Variants in ELMO1 observed in about 807,000 individuals in gnomAD.
ELMO1 encodes the protein engulfment and cell motility 1.
Under a neutral mutation model 98.9 loss-of-function variants are expected in ELMO1, and 26 were observed. The observed-to-expected ratio is 0.26, with a 90% CI of 0.19 to 0.36. The LOEUF is 0.36. Among genes scored for constraint, ELMO1 ranks in the 10% least tolerant of loss-of-function variants. The pLI is 1.00. For missense variants in ELMO1, 627 were observed against 935.2 expected, an observed-to-expected ratio of 0.67 and a Z score of 4.30; for synonymous variants, 346 against 346.0, an observed-to-expected ratio of 1.00 and a Z score of 0.00.
chr7:37,250,553 G>T, intron 6 of ELMO1, among the ~76,000 whole-genome samples: 1 of 152,064 alleles, frequency 6.6e-6, no homozygotes, highest in Admixed American at 6.6e-5. Flanking sequence ...AGCACTTTGG[G>T]AGGCCGAGGC....
rs116481366 is a variant in ELMO1, at chr7:37,121,342, G to C, written c.1191+11788C>G. ...AAACTTCTCTGAGCTAAAGGATGAA[G>C]GTCGAACCCATCGCAAAGAAGTTAA... On this transcript the variant is annotated intron_variant, in intron 14 of 21. Coordinates refer to ENST00000310758, the MANE Select transcript of ELMO1 (RefSeq NM_014800.11). Among the ~76,000 whole-genome samples the C allele has an allele frequency of 5.9e-3, 899 of 152,282 alleles. 9 individuals carry two copies. The highest frequency in any genetic ancestry group is 0.021 in the African/African-American group (867 of 41,558).
chr7:37,400,907 C>CA (rs945662929), intron 1 of ELMO1, among the ~76,000 whole-genome samples: 2 of 152,064 alleles, frequency 1.3e-5, no homozygotes, highest in African/African-American at 4.8e-5. Context: ...GTTTTCAAGG[C>CA]AAAAAATCCT....
rs1038040238 is a variant in ELMO1, at chr7:36,904,953, C to T, written c.1438-9936G>A. Among the ~76,000 whole-genome samples the T allele has an allele frequency of 9.2e-5, 14 of 152,304 alleles. No individual in the cohort carries two copies. In the East Asian group the frequency reaches 9.6e-4, roughly 10 times the overall value. ...CTAATCGAAGGACTTGGCTGGACAA[C>T]AGGAAGCTATTTTCACCAGTGTCTA... is the stretch of plus-strand genomic sequence containing the variant. On this transcript the variant is annotated intron_variant, in intron 16 of 21. Transcript: ENST00000310758.
chr7:37,066,254 T>C (rs955310588), intron 15 of ELMO1, among the ~76,000 whole-genome samples: 1 of 152,110 alleles, frequency 6.6e-6, no homozygotes, highest in Non-Finnish European at 1.5e-5. Flanking sequence ...GAGGAAGAGA[T>C]GGAATCAAAA....
intron 18 of ELMO1, among the ~76,000 whole-genome samples, chr7:36,885,393 A>G (rs1345228140): frequency 6.6e-6 from 1 of 152,232 alleles, no homozygotes; most frequent in Non-Finnish European, 1.5e-5. Context: ...AAACAGGATT[A>G]TTCTGATACA....
chr7:37,089,757 AGAAAAGACT>A (rs1389459421), intron 15 of ELMO1, among the ~76,000 whole-genome samples: 5 of 152,246 alleles, frequency 3.3e-5, no homozygotes, highest in Non-Finnish European at 5.9e-5. Context: ...AGGACACTGC[AGAAAAGACT>A]GTAAAGAGAC....
intron 1 of ELMO1, among the ~76,000 whole-genome samples, chr7:37,415,791 A>G (rs997560536): frequency 6.6e-6 from 1 of 152,266 alleles, no homozygotes; most frequent in African/African-American, 2.4e-5. Context: ...AAGTGAGTGG[A>G]TCCAACTTAA....
chr7:37,138,307 A>AAG (rs1563027914), intron 13 of ELMO1, among the ~76,000 whole-genome samples: 2 of 151,732 alleles, frequency 1.3e-5, no homozygotes, highest in Admixed American at 6.6e-5. Flanking sequence ...ATAAAAAAAA[A>AAG]AAGAAGATAG....
chr7:37,317,079 T>C (rs1033569269), intron 2 of ELMO1, among the ~76,000 whole-genome samples: 2 of 152,156 alleles, frequency 1.3e-5, no homozygotes, highest in Non-Finnish European at 2.9e-5. Context: ...ATTAAATTAA[T>C]ACAAAGGGCA....
chr7:36,921,106 C>G (rs541352964), intron 16 of ELMO1, among the ~76,000 whole-genome samples: 24 of 151,526 alleles, frequency 1.6e-4, no homozygotes, highest in Admixed American at 5.2e-4. Flanking sequence ...AGGAAGTGAG[C>G]CTTTGCCAGG....
chr7:37,273,943 A>G (rs1796696800), intron 4 of ELMO1, among the ~76,000 whole-genome samples: 1 of 152,186 alleles, frequency 6.6e-6, no homozygotes, highest in South Asian at 2.1e-4. Flanking sequence ...TCAGGCCAGT[A>G]TTTCTTCCCA....
At chr7:36,973,851 C>G (rs116237232) in intron 16 of ELMO1, among the ~76,000 whole-genome samples, 3 of 152,232 alleles carry the variant, frequency 2.0e-5, no homozygotes, top group Non-Finnish European at 2.9e-5. Context: ...CCGGCCCTGC[C>G]GTTGCCGAGC....
At chr7:36,998,042 G>T (rs1033829126) in intron 16 of ELMO1, 4 of 151,826 alleles carry the variant, frequency 2.6e-5, no homozygotes, top group African/African-American at 9.7e-5. Flanking sequence ...GATTGGATAA[G>T]AACTTGAAAG....
chr7:37,017,556 G>C (rs552521630), intron 15 of ELMO1, among the ~76,000 whole-genome samples: 3 of 152,270 alleles, frequency 2.0e-5, no homozygotes, highest in African/African-American at 7.2e-5. Flanking sequence ...GAAAGACTTG[G>C]TTGACTTGTG....
chr7:37,272,934 T>C (rs1796650159), intron 4 of ELMO1, among the ~76,000 whole-genome samples: 1 of 152,190 alleles, frequency 6.6e-6, no homozygotes, highest in Admixed American at 6.5e-5. Context: ...TGTAAATGTT[T>C]TGGAACTAGA....
At chr7:37,055,199 A>C (rs1192782121) in intron 15 of ELMO1, among the ~76,000 whole-genome samples, 2 of 152,234 alleles carry the variant, frequency 1.3e-5, no homozygotes, top group African/African-American at 4.8e-5. Context: ...TGACAACAAG[A>C]AACAAAGAGC....
intron 6 of ELMO1, among the ~76,000 whole-genome samples, chr7:37,257,992 G>A (rs190084181): frequency 9.2e-4 from 140 of 151,452 alleles, no homozygotes; most frequent in East Asian, 8.2e-3. Flanking sequence ...AAATTAGGCC[G>A]GGCGTGGTGA....
chr7:36,861,627 A>G (rs1288007179), intron 21 of ELMO1, 32 bp downstream of exon 21: 4 of 1,592,456 alleles, frequency 2.5e-6, no homozygotes, highest in Non-Finnish European at 3.4e-6. Context: ...AGATAACATT[A>G]TCTCATAAAT....
At chr7:37,283,666 A>G (rs1012080601) in intron 4 of ELMO1, among the ~76,000 whole-genome samples, 19 of 152,318 alleles carry the variant, frequency 1.2e-4, no homozygotes, top group African/African-American at 4.6e-4. Flanking sequence ...TTTGGGATCC[A>G]CCATTATGAT....
Sources: gnomAD v4.1 joint callset for allele counts (sites outside exome capture counted in the v4.1 genomes callset) on GRCh38, gnomAD v4.1.1 for gene constraint, MANE v1.5 for transcripts, NCBI Gene and HGNC (gene_info 2026-07-23, HGNC 2026-07-21) for gene names.